The following SLC7A11 variants were observed in gnomAD, a reference collection of about 807,000 sequenced individuals.
The protein encoded by SLC7A11 is cystine/glutamate transporter.
SLC7A11 carries 35 observed loss-of-function variants against 54.5 expected under a neutral mutation model. That is an observed-to-expected ratio of 0.64 (90% CI 0.49 to 0.85). The LOEUF (loss-of-function observed/expected upper bound fraction) is 0.85, where lower values mean the gene tolerates loss of function less well. Ranked by LOEUF, SLC7A11 falls within the 40% of genes least tolerant of loss-of-function variation. The pLI is 0.00. For synonymous variants in SLC7A11, 230 were observed against 225.2 expected, an observed-to-expected ratio of 1.02 and a Z score of -0.19; for missense variants, 583 against 618.1, an observed-to-expected ratio of 0.94 and a Z score of 0.60.
At chr4:138,209,757 C>T (rs34732195) in intron 6 of SLC7A11, among the ~76,000 whole-genome samples, 61,391 of 151,672 alleles carry the variant, frequency 0.4, 13,300 homozygotes, top group Middle Eastern at 0.6. Context: ...CACAAACAAA[C>T]GAAAAAATAT....
chr4:138,189,511 G>C (rs1192691780), intron 6 of SLC7A11, among the ~76,000 whole-genome samples: 1 of 152,094 alleles, frequency 6.6e-6, no homozygotes, highest in Non-Finnish European at 1.5e-5. Context: ...ACAATGTCAT[G>C]GCTGCTTTGT....
chr4:138,172,014 T>C lies in SLC7A11; in HGVS notation c.1448A>G (p.Lys483Arg). 1 of 1,587,868 alleles carries C rather than the reference T, an allele frequency of 6.3e-7. No homozygotes were observed. The highest frequency in any genetic ancestry group is 1.2e-5 in the South Asian group (1 of 85,178). ...KPRWFRIMSE[K>R]ITRTLQIILE... ...TATTATTTGTAATGTTCTGGTTATTTTCTCTACAAAGAAATAAAAATGAAT... is the reference window on the plus strand; with the variant it reads ...TATTATTTGTAATGTTCTGGTTATTCTCTCTACAAAGAAATAAAAATGAAT... Residue 483 changes from lysine (K) to arginine (R), a missense_variant, in exon 12 of 12, where the codon AAA becomes AGA. By Grantham distance (26) the Lys-to-Arg change is conservative. Coordinates refer to ENST00000280612, the MANE Select transcript of SLC7A11 (RefSeq NM_014331.4).
chr4:138,232,516 C>T (rs1336032708), intron 2 of SLC7A11, 134 bp from the exon 3 acceptor site: 3 of 624,082 alleles, frequency 4.8e-6, no homozygotes, highest in African/African-American at 1.9e-5. Context: ...GAATTCCGTA[C>T]TTGATTAGGT....
intron 6 of SLC7A11, among the ~76,000 whole-genome samples, chr4:138,213,399 C>T (rs558393674): frequency 2.1e-3 from 326 of 152,142 alleles, no homozygotes; most frequent in Middle Eastern, 0.02. Flanking sequence ...GCCAGAATTT[C>T]CTAGTCTATC....
At chr4:138,227,840 C>T (rs983984548) in intron 3 of SLC7A11, among the ~76,000 whole-genome samples, 2 of 144,556 alleles carry the variant, frequency 1.4e-5, no homozygotes, top group African/African-American at 5.3e-5. Context: ...GCATGTCATC[C>T]TCCTAAAGTA....
chr4:138,241,835 A>C lies in SLC7A11; in HGVS notation c.235T>G (p.Ser79Ala), dbSNP rs765439029. 2 of 1,614,140 alleles carry C rather than the reference A, an allele frequency of 1.2e-6. No individual in the cohort carries two copies. Among genetic ancestry groups the C allele is most frequent in the South Asian group, 2.2e-5 (2 of 91,074 alleles). Reference sequence around the variant, plus strand: ...CCACACACCGTCCAGATGGTCAGAGACATGCCCACGCTGCCCGTGTTCTGG... The same window carrying C: ...CCACACACCGTCCAGATGGTCAGAGCCATGCCCACGCTGCCCGTGTTCTGG... ...VLQNTGSVGM[S>A]LTIWTVCGVL... Residue 79 changes from serine to alanine, a missense_variant, in exon 1 of 12, where the codon TCT becomes GCT. Ser to Ala is a moderately conservative substitution (Grantham distance 99). Coordinates refer to ENST00000280612, the MANE Select transcript of SLC7A11 (RefSeq NM_014331.4).
intron 6 of SLC7A11, among the ~76,000 whole-genome samples, chr4:138,194,715 A>T (rs1301694042): frequency 1.3e-5 from 2 of 152,192 alleles, no homozygotes; most frequent in Non-Finnish European, 2.9e-5. Flanking sequence ...TCACAGAATT[A>T]TGGAAAAGTC....
chr4:138,210,817 C>A (rs1378935041), intron 6 of SLC7A11, among the ~76,000 whole-genome samples: 2 of 152,182 alleles, frequency 1.3e-5, no homozygotes, highest in South Asian at 4.1e-4. Flanking sequence ...TTAGTTCAGC[C>A]TCTGTGGAAA....
chr4:138,194,298 C>T (rs1372924126), intron 6 of SLC7A11, among the ~76,000 whole-genome samples: 1 of 152,098 alleles, frequency 6.6e-6, no homozygotes, highest in African/African-American at 2.4e-5. Context: ...TCAGGCTGTC[C>T]ATTTATAAAG....
intron 10 of SLC7A11, 26 bp from the exon 11 acceptor site, chr4:138,179,420 A>T (rs1036718134): frequency 2.5e-6 from 4 of 1,602,298 alleles, no homozygotes; most frequent in Non-Finnish European, 3.4e-6. Context: ...CAAAAAAGTC[A>T]CTTCAAACAT....
chr4:138,240,997 C>A (rs1365164341), intron 1 of SLC7A11, among the ~76,000 whole-genome samples: 2 of 152,170 alleles, frequency 1.3e-5, no homozygotes, highest in East Asian at 3.9e-4. Context: ...CTGCCAGTTC[C>A]CTTCAGATTA....
intron 6 of SLC7A11, among the ~76,000 whole-genome samples, chr4:138,201,334 G>A (rs112529292): frequency 4.7e-4 from 71 of 152,128 alleles, no homozygotes; most frequent in African/African-American, 1.6e-3. Flanking sequence ...TATTGTTTAA[G>A]CTTTTGTCAC....
intron 6 of SLC7A11, among the ~76,000 whole-genome samples, chr4:138,199,039 A>T (rs778016668): frequency 7.2e-5 from 11 of 152,176 alleles, no homozygotes; most frequent in Non-Finnish European, 1.0e-4. Context: ...GCTGTCAGGG[A>T]TACAGCAGTA....
At chr4:138,187,704 G>A (rs1474757462) in intron 6 of SLC7A11, among the ~76,000 whole-genome samples, 1 of 152,082 alleles carries the variant, frequency 6.6e-6, no homozygotes, top group African/African-American at 2.4e-5. Context: ...AAAGAAGGGG[G>A]CAAACTGATT....
At position 138,169,149 on chromosome 4, in the gene SLC7A11, T is replaced by A. The variant is rs952152380; in HGVS notation, c.*2807A>T. 6.6e-6 allele frequency: 1 copy of A among 152,090 alleles called. No homozygotes were observed. The highest frequency in any genetic ancestry group is 1.5e-5 in the Non-Finnish European group (1 of 67,994). 9.4% of individuals were successfully genotyped at this position (152,090 alleles called of 1,614,324 possible). ...GAATATGCATGGTACAAAGTACAAG[T>A]ACAGAACATGTAGTAAGTAGTATGT... is the stretch of plus-strand genomic sequence containing the variant. On this transcript the variant is annotated 3_prime_UTR_variant, in exon 12 of 12. Transcript: ENST00000280612.
At position 138,179,136 on chromosome 4, in the gene SLC7A11, T is replaced by G. The variant is rs909590481; in HGVS notation, c.1444+81A>C. The G allele has an allele frequency of 5.6e-6, 5 of 899,034 alleles. No individual in the cohort carries two copies. In the African/African-American group the frequency reaches 8.3e-5, roughly 15 times the overall value. 55.7% of individuals were successfully genotyped at this position (899,034 alleles called of 1,614,324 possible). On this transcript the variant is annotated intron_variant, in intron 11 of 11. Transcript: ENST00000280612. ...ATTGTGCCACTTACATTTTTAAATG[T>G]TAAGTATATTATGTATGCACACCTT...
Position 138,185,253 on chromosome 4 carries a change from C to T in SLC7A11, c.792-9G>A. On this transcript the variant is annotated splice_polypyrimidine_tract_variant and intron_variant, in intron 6 of 11. Transcript: ENST00000280612. ...TTGCAAGGGGAATGGTTCTGAAATG[C>T]ACAAAGGAATCACTTATTCATTATC... The T allele has an allele frequency of 1.9e-6, 3 of 1,611,906 alleles. No individual in the cohort carries two copies. Among genetic ancestry groups the T allele is most frequent in the Middle Eastern group, 1.7e-4 (1 of 6,046 alleles).
At chr4:138,241,765 C>A (rs1372255376) in intron 1 of SLC7A11, 28 bp downstream of exon 1, 2 of 1,545,748 alleles carry the variant, frequency 1.3e-6, no homozygotes, top group East Asian at 2.3e-5. Flanking sequence ...CACAGCCACG[C>A]CCCCACGAGA....
intron 6 of SLC7A11, among the ~76,000 whole-genome samples, chr4:138,199,706 GC>G (rs778794797): frequency 3.9e-5 from 6 of 152,062 alleles, no homozygotes; most frequent in Non-Finnish European, 7.4e-5. Flanking sequence ...GGAAATACCT[GC>G]CCTGCCTAGT....
Sources: allele counts gnomAD v4.1 joint callset (sites outside exome capture counted in the v4.1 genomes callset), GRCh38; gene constraint gnomAD v4.1.1; transcripts MANE v1.5; gene names NCBI Gene and HGNC (gene_info 2026-07-23, HGNC 2026-07-21).